The following DNMBP variants were observed in gnomAD, a reference collection of about 807,000 sequenced individuals.
DNMBP encodes the protein dynamin binding protein.
A neutral mutation model predicts 150.0 loss-of-function variants in DNMBP; 87 were observed. The observed-to-expected ratio is 0.58, with a 90% confidence interval of 0.49 to 0.69. The LOEUF (loss-of-function observed/expected upper bound fraction) is 0.69. Ranked by LOEUF, DNMBP falls within the 30% of genes least tolerant of loss-of-function variation. The pLI is 0.00. For missense variants in DNMBP, 1,774 were observed against 1,949.0 expected (o/e 0.91, Z 1.69); for synonymous variants, 711 against 750.4 (o/e 0.95, Z 0.86).
At position 99,971,925 on chromosome 10, in the gene DNMBP, T is replaced by C. The variant is rs530664251; in HGVS notation, c.145+55A>G. 30 of 1,554,252 alleles carry C rather than the reference T, an allele frequency of 1.9e-5. No homozygotes were observed. The African/African-American group carries it at 3.0e-4, about 16-fold the overall frequency. On this transcript the variant is annotated intron_variant, in intron 2 of 16. Coordinates refer to ENST00000324109, the MANE Select transcript of DNMBP (RefSeq NM_015221.4). ...GGCTGGAGTGCAGTGCCAGCCTTTA[T>C]TTTTAATATGGAAAGAAGTCAGGGC... is the stretch of plus-strand genomic sequence containing the variant.
At position 99,879,817 on chromosome 10, in the gene DNMBP, G is replaced by A. The variant is rs777120300; in HGVS notation, c.4542C>T (p.Gly1514=). 9 of 1,613,820 alleles carry A rather than the reference G, an allele frequency of 5.6e-6. No individual in the cohort carries two copies. The highest frequency in any genetic ancestry group is 7.6e-6 in the Non-Finnish European group (9 of 1,179,828). The change falls in exon 16 of 17, where the codon GGC becomes GGT. Residue 1514 remains glycine, a synonymous_variant. Coordinates refer to ENST00000324109, the MANE Select transcript of DNMBP (RefSeq NM_015221.4). ...AGGCCTCTTACGCACTCACCTGGTT[G>A]CCTTCTGCCTCACTGCCATCTGGCT... The part of the protein sequence containing the change: ...STEPDGSEAE[G]NQVYFAVYTF...
chr10:99,879,971 G>C lies in DNMBP; in HGVS notation c.4388C>G (p.Pro1463Arg), dbSNP rs116424120. The C allele has an allele frequency of 2.5e-6, 4 of 1,614,200 alleles. No homozygotes were observed. The highest frequency in any genetic ancestry group is 2.2e-5 in the South Asian group (2 of 91,086). The change falls in exon 16 of 17, where the codon CCG becomes CGG. Residue 1463 changes from proline (P) to arginine (R), a missense_variant. Pro to Arg is a moderately radical substitution (Grantham distance 103). Coordinates refer to ENST00000324109, the MANE Select transcript of DNMBP (RefSeq NM_015221.4). ...ARDVKQPTAT[P>R]RSYRNFRHPE... ...ATGCCTGAAGTTCCGGTAGCTCCTCGGCGTGGCAGTGGGTTGCTTTACATC... is the reference window on the plus strand; with the variant it reads ...ATGCCTGAAGTTCCGGTAGCTCCTCCGCGTGGCAGTGGGTTGCTTTACATC...
intron 1 of DNMBP, among the ~76,000 whole-genome samples, chr10:99,993,339 AT>A (rs1358825584): frequency 1.3e-5 from 2 of 152,192 alleles, no homozygotes; most frequent in African/African-American, 4.8e-5. Context: ...TTTGGGGGTA[AT>A]GAAAATGCTC....
chr10:99,953,704 C>T (rs964446102), intron 4 of DNMBP, among the ~76,000 whole-genome samples: 14 of 151,496 alleles, frequency 9.2e-5, no homozygotes, highest in African/African-American at 2.9e-4. Flanking sequence ...CCTGTAATCT[C>T]AGCTATTCAG....
At chr10:99,923,647 C>T (rs2040046798) in intron 4 of DNMBP, among the ~76,000 whole-genome samples, 1 of 152,088 alleles carries the variant, frequency 6.6e-6, no homozygotes, top group Admixed American at 6.6e-5. Context: ...CTCCTACTGG[C>T]GTCTAAGATT....
chr10:100,005,486 G>A (rs1384657574), intron 1 of DNMBP, among the ~76,000 whole-genome samples: 4 of 152,212 alleles, frequency 2.6e-5, no homozygotes, highest in African/African-American at 9.6e-5. Context: ...TGGCATGGTG[G>A]TTCATACCTG....
Position 99,908,963 on chromosome 10 carries a change from T to A in DNMBP, c.2444A>T (p.Gln815Leu). 1 of 1,613,410 alleles carries A rather than the reference T, an allele frequency of 6.2e-7. No individual in the cohort carries two copies. The highest frequency in any genetic ancestry group is 8.5e-7 in the Non-Finnish European group (1 of 1,179,574). Residue 815 changes from glutamine to leucine, a missense_variant, in exon 5 of 17, where the codon CAG becomes CTG. Physicochemically the swap from Gln to Leu is moderately radical, Grantham distance 113. This residue lies in a region of DNMBP where 1,430 missense variants were observed against 1,492.5 expected (regional missense o/e 0.96). Coordinates refer to ENST00000324109, the MANE Select transcript of DNMBP (RefSeq NM_015221.4). ...MCIERIMVPM[Q>L]QAQVPNIDFE... Reference sequence around the variant, plus strand: ...TCTCCCAGTTCCCACCTGTGCCTGCTGCATGGGTACCATGATCCGCTCAAT... The same window carrying A: ...TCTCCCAGTTCCCACCTGTGCCTGCAGCATGGGTACCATGATCCGCTCAAT...
chr10:99,901,722 GCT>G (rs940591755), intron 6 of DNMBP, among the ~76,000 whole-genome samples: 1 of 151,918 alleles, frequency 6.6e-6, no homozygotes, highest in African/African-American at 2.4e-5. Flanking sequence ...ACAAAAAAGA[GCT>G]CTCATCCTTG....
chr10:100,007,106 C>T (rs1056099930), intron 1 of DNMBP, among the ~76,000 whole-genome samples: 5 of 151,638 alleles, frequency 3.3e-5, no homozygotes, highest in Admixed American at 3.3e-4. Context: ...CAGAGCAAGA[C>T]TCTGTCTCCA....
In DNMBP at chr10:99,956,862, G is replaced by A. The variant is rs2040503515; in HGVS notation, c.612C>T (p.Pro204=). The stretch of plus-strand genomic sequence containing the variant: ...TTACTGACTCATCCACAGTCCTCAG[G>A]GGCCCCAACAGCTCTACAAAACCTT... ...FPEGFVELLG[P]LRTVDESVSS... The change falls in exon 4 of 17, where the codon CCC becomes CCT. Residue 204 remains proline (P), a synonymous_variant. Coordinates refer to ENST00000324109, the MANE Select transcript of DNMBP (RefSeq NM_015221.4). 1.2e-6 allele frequency: 2 copies of A among 1,613,946 alleles called. No homozygotes were observed. Among genetic ancestry groups the A allele is most frequent in the South Asian group, 2.2e-5 (2 of 91,082 alleles).
intron 1 of DNMBP, among the ~76,000 whole-genome samples, chr10:99,996,977 A>T (rs2040957861): frequency 6.6e-6 from 1 of 152,078 alleles, no homozygotes; most frequent in Admixed American, 6.6e-5. Flanking sequence ...TAGCAAAAAG[A>T]ACAAGTAATT....
chr10:99,931,714 T>G (rs532915030), intron 4 of DNMBP, among the ~76,000 whole-genome samples: 1 of 152,232 alleles, frequency 6.6e-6, no homozygotes, highest in African/African-American at 2.4e-5. Context: ...TTACCTATCA[T>G]AGAGGAGGCA....
chr10:99,889,592 A>G (rs931887956), intron 11 of DNMBP: 3 of 152,082 alleles, frequency 2.0e-5, no homozygotes, highest in African/African-American at 4.8e-5. Context: ...CACATAGTCA[A>G]CTCCTCCTGA....
intron 10 of DNMBP, 150 bp downstream of exon 10, chr10:99,896,117 C>T (rs932066257): frequency 3.0e-5 from 25 of 824,470 alleles, no homozygotes; most frequent in Non-Finnish European, 4.1e-5. Flanking sequence ...CCTTTGTAAC[C>T]AGCAGCTGGA....
chr10:99,877,481 T>G, intron 16 of DNMBP, 145 bp from the exon 17 acceptor site: 2 of 554,952 alleles, frequency 3.6e-6, no homozygotes, highest in Non-Finnish European at 6.3e-6. Context: ...ACAGAGGAAC[T>G]GAATTTTTAA....
chr10:99,977,941 T>A (rs1406313300), intron 1 of DNMBP, among the ~76,000 whole-genome samples: 2 of 152,240 alleles, frequency 1.3e-5, no homozygotes, highest in African/African-American at 4.8e-5. Context: ...GCCATAGCAA[T>A]GTCATAGAAA....
chr10:99,879,971 G>T lies in DNMBP; in HGVS notation c.4388C>A (p.Pro1463Gln). 1 of 1,614,200 alleles carries T rather than the reference G, an allele frequency of 6.2e-7. No homozygotes were observed. The highest frequency in any genetic ancestry group is 1.3e-5 in the African/African-American group (1 of 75,036). Residue 1463 changes from proline (P) to glutamine (Q), a missense_variant, in exon 16 of 17, where the codon CCG becomes CAG. Around this residue, in one of 2 missense-constraint regions of DNMBP, gnomAD observed 1,430 missense variants for 1,492.5 expected, o/e 0.96. Transcript: ENST00000324109. The part of the protein sequence containing the change: ...ARDVKQPTAT[P>Q]RSYRNFRHPE... The stretch of plus-strand genomic sequence containing the variant: ...ATGCCTGAAGTTCCGGTAGCTCCTC[G>T]GCGTGGCAGTGGGTTGCTTTACATC...
At chr10:99,999,232 T>C (rs974591057) in intron 1 of DNMBP, among the ~76,000 whole-genome samples, 9 of 152,232 alleles carry the variant, frequency 5.9e-5, no homozygotes, top group African/African-American at 2.2e-4. Flanking sequence ...GGGACCACTA[T>C]GGCAAGACGG....
intron 15 of DNMBP, among the ~76,000 whole-genome samples, chr10:99,880,917 C>T (rs1247722944): frequency 1.3e-5 from 2 of 152,148 alleles, no homozygotes; most frequent in Non-Finnish European, 2.9e-5. Context: ...AGCGAGACTT[C>T]ATCTCTATTT....
Sources: gnomAD v4.1 joint callset for allele counts (sites outside exome capture counted in the v4.1 genomes callset) on GRCh38, gnomAD v4.1.1 for gene constraint, gnomAD v4.1.1 regional missense constraint, MANE v1.5 for transcripts, NCBI Gene and HGNC (gene_info 2026-07-23, HGNC 2026-07-21) for gene names.